STK3: variants seen among roughly 807,000 people sequenced by gnomAD.
STK3 encodes the protein serine/threonine-protein kinase 3.
Under a neutral mutation model 58.0 loss-of-function variants are expected in STK3, and 41 were observed. The ratio of observed to expected loss-of-function variants is 0.71; its 90% confidence interval spans 0.55 to 0.92. STK3 has a LOEUF of 0.92. Ranked by LOEUF, STK3 falls within the 40% of genes least tolerant of loss-of-function variation. The pLI is 0.00. For missense variants in STK3, 479 were observed against 602.7 expected (o/e 0.79, Z 2.15); for synonymous variants, 170 against 191.0 (o/e 0.89, Z 0.91).
Position 98,817,351 on chromosome 8 carries a change from G to A in STK3, c.26+8164C>T, listed in dbSNP as rs947614648. Among the ~76,000 whole-genome samples, 5 of 151,748 alleles carry A rather than the reference G, an allele frequency of 3.3e-5. No individual in the cohort carries two copies. The East Asian group carries it at 9.7e-4, about 29-fold the overall frequency. ...CGCCCGTAGTCCCAGCGGCTTGGGA[G>A]GCTGAGGCAGGAGAATTGCTTGAAC... On this transcript the variant is annotated intron_variant, in intron 1 of 10. Coordinates refer to ENST00000419617, the MANE Select transcript of STK3 (RefSeq NM_006281.4).
At chr8:98,361,315 C>A in the STK3 span, among the ~76,000 whole-genome samples, 2 of 152,122 alleles carry the variant, frequency 1.3e-5, no homozygotes, top group African/African-American at 4.8e-5. Context: ...TGCAGTGCTT[C>A]TTTTTAAAAC....
intron 3 of STK3, among the ~76,000 whole-genome samples, chr8:98,765,465 T>C (rs1197229403): frequency 6.6e-6 from 1 of 152,208 alleles, no homozygotes; most frequent in Non-Finnish European, 1.5e-5. Context: ...GTGAAAGCTT[T>C]CCATAAATCT....
At chr8:98,659,681 A>C (rs1249413752) in intron 6 of STK3, among the ~76,000 whole-genome samples, 3 of 152,002 alleles carry the variant, frequency 2.0e-5, no homozygotes, top group Non-Finnish European at 4.4e-5. Context: ...TTAACTAGCA[A>C]ACTCCAAGTT....
chr8:98,636,516 G>A (rs1026072670), intron 6 of STK3, among the ~76,000 whole-genome samples: 28 of 152,052 alleles, frequency 1.8e-4, no homozygotes, highest in African/African-American at 6.0e-4. Flanking sequence ...GGAATCCAGT[G>A]GAAAAACCAA....
intron 2 of STK3, among the ~76,000 whole-genome samples, chr8:98,375,457 A>G (rs1373799485): frequency 6.6e-6 from 1 of 152,146 alleles, no homozygotes; most frequent in Non-Finnish European, 1.5e-5. Context: ...CCTTTTGTAG[A>G]GTAGAATTTT....
chr8:98,660,850 G>C (rs563116620), intron 6 of STK3, among the ~76,000 whole-genome samples: 6 of 152,096 alleles, frequency 3.9e-5, no homozygotes, highest in Non-Finnish European at 5.9e-5. Flanking sequence ...AGAAGCCTCT[G>C]CTACCTGGGA....
chr8:98,741,057 T>A (rs1423759071), intron 4 of STK3, among the ~76,000 whole-genome samples: 1 of 152,156 alleles, frequency 6.6e-6, no homozygotes, highest in Non-Finnish European at 1.5e-5. Context: ...ATCCTAAACA[T>A]ATATGCACCC....
intron 4 of STK3, among the ~76,000 whole-genome samples, chr8:98,714,731 C>T (rs1462159538): frequency 2.0e-5 from 3 of 152,120 alleles, no homozygotes; most frequent in African/African-American, 7.2e-5. Flanking sequence ...AGATTCAATG[C>T]CATCCCCATC....
At chr8:98,942,416 T>G (rs1387943002) in exon 1 of STK3, 1 of 152,270 alleles carries the variant, frequency 6.6e-6, no homozygotes, top group Non-Finnish European at 1.5e-5. Context: ...AACGCCGGCG[T>G]GGCCCAGACT....
chr8:98,679,417 G>A (rs1823464031), intron 6 of STK3, among the ~76,000 whole-genome samples: 1 of 152,010 alleles, frequency 6.6e-6, no homozygotes, highest in Non-Finnish European at 1.5e-5. Flanking sequence ...GCCTTCACTG[G>A]CAATCCAACA....
chr8:98,559,859 T>TAA (rs2131627226), intron 8 of STK3, among the ~76,000 whole-genome samples: 1 of 152,162 alleles, frequency 6.6e-6, no homozygotes, highest in East Asian at 1.9e-4. Flanking sequence ...ATTTTTTAAA[T>TAA]GGTCAAAGGA....
At chr8:98,476,316 A>C (rs920650653) in intron 10 of STK3, among the ~76,000 whole-genome samples, 1 of 152,102 alleles carries the variant, frequency 6.6e-6, no homozygotes. Context: ...AAACTCTAAT[A>C]TTGGGCAGAC....
the STK3 span, among the ~76,000 whole-genome samples, chr8:98,363,328 C>T: frequency 6.6e-6 from 1 of 152,154 alleles, no homozygotes; most frequent in South Asian, 2.1e-4. Flanking sequence ...ATGCTATGCC[C>T]TTCACCTGGT....
intron 4 of STK3, among the ~76,000 whole-genome samples, chr8:98,736,158 A>T (rs1828576741): frequency 6.6e-6 from 1 of 152,194 alleles, no homozygotes; most frequent in East Asian, 1.9e-4. Flanking sequence ...TTTATGTAAG[A>T]GTGAATATGC....
rs1474972765 is a variant in STK3 at position 98,465,020 on chromosome 8, A to AT, written c.1318-9021dup. Among the ~76,000 whole-genome samples, 7 of 152,304 alleles carry AT rather than the reference A, an allele frequency of 4.6e-5. 1 individual carries two copies. In the East Asian group the frequency reaches 1.4e-3, roughly 29 times the overall value. On this transcript the variant is annotated intron_variant, in intron 10 of 10. Coordinates refer to ENST00000419617, the MANE Select transcript of STK3 (RefSeq NM_006281.4). ...ACCTAGAAGAAACTTAGGATTCTAG[A>AT]TTTTCATTCCCAAAGAAAAGGAAGA...
At chr8:98,634,676 A>C (rs966135120) in intron 6 of STK3, among the ~76,000 whole-genome samples, 2 of 152,192 alleles carry the variant, frequency 1.3e-5, no homozygotes, top group African/African-American at 4.8e-5. Context: ...GAATTATCTC[A>C]AAATAGTAAA....
chr8:98,859,523 A>G (rs145498510), intron 3 of STK3, among the ~76,000 whole-genome samples: 112 of 152,330 alleles, frequency 7.4e-4, no homozygotes, highest in African/African-American at 2.3e-3. Context: ...CTTTTTAAAG[A>G]TACCCCAATG....
intron 6 of STK3, among the ~76,000 whole-genome samples, chr8:98,638,024 C>CT (rs1223830924): frequency 6.6e-6 from 1 of 152,106 alleles, no homozygotes; most frequent in Non-Finnish European, 1.5e-5. Context: ...ACTCATGCTA[C>CT]TTTAGGTGTG....
Position 98,807,767 on chromosome 8 carries a change from C to T in STK3, c.26+17748G>A, listed in dbSNP as rs150834925. ...ACTGTCAATTATGCACTGTGAAGATCAGTTCATAACCGAACATAAAGCAGG... is the reference window on the plus strand; with the variant it reads ...ACTGTCAATTATGCACTGTGAAGATTAGTTCATAACCGAACATAAAGCAGG... On this transcript the variant is annotated intron_variant, in intron 1 of 10. Transcript: ENST00000419617. Among the ~76,000 whole-genome samples the T allele has an allele frequency of 7.0e-3, 1,067 of 152,280 alleles. 9 individuals are homozygous for T. The highest frequency in any genetic ancestry group is 0.024 in the African/African-American group (1,002 of 41,550).
Sources: allele counts gnomAD v4.1 joint callset (sites outside exome capture counted in the v4.1 genomes callset), GRCh38; gene constraint gnomAD v4.1.1; transcripts MANE v1.5; gene names NCBI Gene and HGNC (gene_info 2026-07-23, HGNC 2026-07-21).